EFCAB13: variants seen among roughly 807,000 people sequenced by gnomAD.
EFCAB13 encodes EF-hand calcium-binding domain-containing protein 13.
EFCAB13 carries 91 observed loss-of-function variants against 110.2 expected under a neutral mutation model. The observed-to-expected ratio is 0.83, with a 90% CI of 0.70 to 0.98. EFCAB13 has a LOEUF of 0.98. Among genes scored for constraint, EFCAB13 ranks in the 50% least tolerant of loss-of-function variants. The pLI, the probability that EFCAB13 is intolerant of heterozygous loss-of-function variation, is 0.00. For synonymous variants in EFCAB13, 323 were observed against 369.9 expected (o/e 0.87, Z 1.45); for missense variants, 968 against 1,119.4 (o/e 0.86, Z 1.93).
rs191429742 is a variant in EFCAB13 at position 47,368,517 on chromosome 17, A to G, written c.806-1920A>G. On this transcript the variant is annotated intron_variant, in intron 10 of 24. Transcript: ENST00000331493. The stretch of plus-strand genomic sequence containing the variant: ...TAGAATATAGTGATATTTCCCTGGC[A>G]ACAGCTCAGAAATGAAGCTCAGATG... 3.9e-5 allele frequency among the ~76,000 whole-genome samples: 6 copies of G among 152,310 alleles called. No individual in the cohort carries two copies. In the East Asian group the frequency reaches 1.2e-3, roughly 29 times the overall value.
intron 13 of EFCAB13, among the ~76,000 whole-genome samples, chr17:47,378,699 T>C (rs1007667303): frequency 1.3e-5 from 2 of 152,164 alleles, no homozygotes; most frequent in African/African-American, 4.8e-5. Flanking sequence ...AGGTAAAACA[T>C]TGGACCACAT....
At chr17:47,374,439 T>C in intron 11 of EFCAB13, 33 bp from the exon 12 acceptor site, 1 of 1,416,542 alleles carries the variant, frequency 7.1e-7, no homozygotes, top group Non-Finnish European at 9.4e-7. Context: ...ATTATACAGG[T>C]AAATGAAATA....
intron 2 of EFCAB13, among the ~76,000 whole-genome samples, chr17:47,324,909 C>T (rs1455464579): frequency 6.7e-6 from 1 of 148,862 alleles, no homozygotes; most frequent in African/African-American, 2.5e-5. Context: ...TGTACTCACT[C>T]TGACGACATT....
chr17:47,371,113 T>C (rs1423630296), intron 11 of EFCAB13, among the ~76,000 whole-genome samples: 1 of 149,482 alleles, frequency 6.7e-6, no homozygotes. Flanking sequence ...GAATTCCTTA[T>C]AAATTCTGGA....
At position 47,361,412 on chromosome 17, in the gene EFCAB13, A is replaced by G. The variant is rs541405744; in HGVS notation, c.696A>G (p.Ile232Met). Residue 232 changes from isoleucine to methionine, a missense_variant, in exon 10 of 25, where the codon ATA (isoleucine) becomes ATG (methionine). Coordinates refer to ENST00000331493, the MANE Select transcript of EFCAB13 (RefSeq NM_152347.5). ...FQDALKIFCR[I>M]KGGRVSTDDV... ...ATGCCTTGAAGATTTTCTGTAGGATAAAAGGTGGTCGAGTTTCAACTGATG... is the reference window on the plus strand; with the variant it reads ...ATGCCTTGAAGATTTTCTGTAGGATGAAAGGTGGTCGAGTTTCAACTGATG... 7.9e-5 allele frequency: 127 copies of G among 1,613,706 alleles called. No homozygotes were observed. In the East Asian group the frequency reaches 2.2e-3, roughly 28 times the overall value.
intron 5 of EFCAB13, among the ~76,000 whole-genome samples, chr17:47,338,292 C>G (rs2065363209): frequency 6.7e-6 from 1 of 149,930 alleles, no homozygotes; most frequent in Non-Finnish European, 1.5e-5. Flanking sequence ...CTCTACCACC[C>G]TGGCTGGAGT....
At chr17:47,379,425 A>C (rs2065634111) in intron 14 of EFCAB13, among the ~76,000 whole-genome samples, 172 bp downstream of exon 14, 1 of 152,252 alleles carries the variant, frequency 6.6e-6, no homozygotes, top group Admixed American at 6.5e-5. Context: ...AATAATAGCT[A>C]ACTTGTTTAC....
chr17:47,380,880 C>CTTTTTTTT (rs751480738), intron 14 of EFCAB13, among the ~76,000 whole-genome samples: 9 of 122,906 alleles, frequency 7.3e-5, no homozygotes, highest in Middle Eastern at 4.5e-3. Context: ...ATTGCTTCTT[C>CTTTTTTTT]TTTTTTTTTT....
rs769991348 is a variant in EFCAB13 at position 47,440,691 on chromosome 17, C to T, written c.2899C>T (p.Leu967Phe). The T allele has an allele frequency of 1.1e-5, 17 of 1,573,982 alleles. No individual in the cohort carries two copies. The highest frequency in any genetic ancestry group is 2.3e-5 in the East Asian group (1 of 44,100). The change falls in exon 25 of 25, where the codon CTT (leucine) becomes TTT (phenylalanine). Residue 967 changes from leucine to phenylalanine, a missense_variant. By Grantham distance (22) the Leu-to-Phe change is conservative. Transcript: ENST00000331493. ...CLNSKANIAKLNPNSKF is the reference protein window; with the variant it reads ...CLNSKANIAKFNPNSKF Reference sequence around the variant, plus strand: ...GAATTCTAAGGCAAATATTGCTAAGCTTAACCCAAACTCAAAATTTTAGGT... The same window carrying T: ...GAATTCTAAGGCAAATATTGCTAAGTTTAACCCAAACTCAAAATTTTAGGT...
chr17:47,345,472 A>G (rs2065409841), intron 8 of EFCAB13, among the ~76,000 whole-genome samples: 2 of 152,156 alleles, frequency 1.3e-5, no homozygotes, highest in African/African-American at 4.8e-5. Flanking sequence ...CTCCTTCATG[A>G]CACTGACCTC....
chr17:47,386,653 G>A (rs112858090), intron 14 of EFCAB13, among the ~76,000 whole-genome samples: 3,435 of 152,140 alleles, frequency 0.023, 109 homozygotes, highest in East Asian at 0.18. Context: ...GCTCTGTCTC[G>A]CTGGGATTCC....
intron 5 of EFCAB13, among the ~76,000 whole-genome samples, chr17:47,336,207 A>T (rs1328390905): frequency 6.6e-6 from 1 of 151,496 alleles, no homozygotes. Context: ...GCTCACTGCA[A>T]CCTCCACCTC....
At chr17:47,398,118 G>T (rs904667181) in intron 17 of EFCAB13, among the ~76,000 whole-genome samples, 1 of 143,954 alleles carries the variant, frequency 6.9e-6, no homozygotes, top group Non-Finnish European at 1.5e-5. Flanking sequence ...AGGTGGGGGG[G>T]TCAGCCCCCC....
At chr17:47,437,714 T>C (rs1905239009) in intron 24 of EFCAB13, among the ~76,000 whole-genome samples, 2 of 152,214 alleles carry the variant, frequency 1.3e-5, no homozygotes, top group South Asian at 4.1e-4. Flanking sequence ...TTACCCATTC[T>C]GCAGTTCTGT....
intron 23 of EFCAB13, among the ~76,000 whole-genome samples, chr17:47,424,653 C>T (rs1325325553): frequency 6.6e-6 from 1 of 151,770 alleles, no homozygotes; most frequent in Non-Finnish European, 1.5e-5. Flanking sequence ...GGCATGAATT[C>T]TTCAGCACAT....
intron 17 of EFCAB13, among the ~76,000 whole-genome samples, chr17:47,398,850 AAAATAAAT>A (rs201525435): frequency 3.9e-5 from 6 of 151,990 alleles, no homozygotes; most frequent in Non-Finnish European, 7.4e-5. Flanking sequence ...ATAATCAATA[AAAATAAAT>A]AAATAAATAA....
chr17:47,409,234 A>G (rs115341220), intron 20 of EFCAB13: 392 of 161,466 alleles, frequency 2.4e-3, no homozygotes, highest in African/African-American at 8.8e-3. Context: ...ATTACATTTA[A>G]TTAAGTAATG....
chr17:47,341,336 A>G (rs2065383431), intron 5 of EFCAB13: 1 of 152,174 alleles, frequency 6.6e-6, no homozygotes, highest in South Asian at 2.1e-4. Context: ...TGATATTAAG[A>G]AATTGTTAAT....
chr17:47,420,627 T>C (rs1904637180), intron 23 of EFCAB13, among the ~76,000 whole-genome samples: 1 of 151,472 alleles, frequency 6.6e-6, no homozygotes, highest in Non-Finnish European at 1.5e-5. Flanking sequence ...GGAGCGCCTC[T>C]ACCCGGCCGC....
Sources: gnomAD v4.1 joint callset for allele counts (sites outside exome capture counted in the v4.1 genomes callset) on GRCh38, gnomAD v4.1.1 for gene constraint, MANE v1.5 for transcripts, NCBI Gene and HGNC (gene_info 2026-07-23, HGNC 2026-07-21) for gene names.